Variants in KDM2B observed in about 807,000 individuals in gnomAD.
KDM2B encodes lysine-specific demethylase 2B.
KDM2B carries 26 observed loss-of-function variants against 150.0 expected under a neutral mutation model. The observed-to-expected ratio is 0.17, with a 90% confidence interval of 0.13 to 0.24. The LOEUF is 0.24. Ranked by LOEUF, KDM2B falls within the 10% of genes least tolerant of loss-of-function variation. The probability of loss-of-function intolerance (pLI) is 1.00; values close to 1 mark genes in which losing one functional copy is unlikely to be tolerated. For missense variants in KDM2B, 1,265 were observed against 1,816.9 expected, an observed-to-expected ratio of 0.70 and a Z score of 5.52; for synonymous variants, 734 against 729.5, an observed-to-expected ratio of 1.01 and a Z score of -0.10.
the KDM2B span, among the ~76,000 whole-genome samples, chr12:121,421,144 A>T: frequency 6.6e-6 from 1 of 152,024 alleles, no homozygotes; most frequent in Non-Finnish European, 1.5e-5. Context: ...TTTAAATCTA[A>T]CAGTAGGGGG....
At chr12:121,426,955 G>C (rs927342547), downstream of KDM2B, among the ~76,000 whole-genome samples, 1 of 152,156 alleles carries the variant, frequency 6.6e-6, no homozygotes, top group East Asian at 1.9e-4. Context: ...TTTTAAATAG[G>C]TCATGTCATA....
chr12:121,478,866 T>TTGTGTGTGTGTG (rs71874668), intron 12 of KDM2B, among the ~76,000 whole-genome samples: 1,501 of 131,156 alleles, frequency 0.011, 16 homozygotes, highest in Non-Finnish European at 0.017. Flanking sequence ...TTTTGTTTGT[T>TTGTGTGTGTGTG]TGTGTGTGTG....
intron 8 of KDM2B, among the ~76,000 whole-genome samples, chr12:121,530,227 CAAAAAAA>C (rs71453566): frequency 3.0e-4 from 20 of 65,786 alleles, no homozygotes; most frequent in African/African-American, 3.8e-4. Flanking sequence ...GACTCCCTCT[CAAAAAAA>C]AAAAAAAAAA....
At chr12:121,499,994 TC>T (rs1884366665) in intron 11 of KDM2B, among the ~76,000 whole-genome samples, 1 of 151,804 alleles carries the variant, frequency 6.6e-6, no homozygotes, top group South Asian at 2.1e-4. Context: ...AAAAGAATTT[TC>T]CCCAAGTGCC....
At chr12:121,557,211 A>G (rs2142197703) in intron 4 of KDM2B, among the ~76,000 whole-genome samples, 1 of 148,890 alleles carries the variant, frequency 6.7e-6, no homozygotes, top group Non-Finnish European at 1.5e-5. Context: ...GGATTAGGGT[A>G]GGCCTAATAA....
At chr12:121,431,148 T>G (rs1872930745) in intron 22 of KDM2B, among the ~76,000 whole-genome samples, 1 of 149,200 alleles carries the variant, frequency 6.7e-6, no homozygotes, top group South Asian at 2.1e-4. Context: ...TTTTTTTTTT[T>G]GAGACAGAGT....
chr12:121,494,489 T>C (rs782459381), intron 12 of KDM2B, 90 bp downstream of exon 12: 25 of 899,454 alleles, frequency 2.8e-5, no homozygotes, highest in Non-Finnish European at 4.1e-5. Context: ...GGAGGCCCCA[T>C]AGCTACCCAA....
chr12:121,557,615 C>G (rs568845078), intron 4 of KDM2B, among the ~76,000 whole-genome samples: 6 of 152,116 alleles, frequency 3.9e-5, no homozygotes, highest in Admixed American at 3.9e-4. Context: ...ATCAGAGTGA[C>G]GCAGCTACAA....
At chr12:121,501,905 G>A (rs1884598938) in intron 11 of KDM2B, among the ~76,000 whole-genome samples, 1 of 152,152 alleles carries the variant, frequency 6.6e-6, no homozygotes, top group East Asian at 1.9e-4. Context: ...ATAGGCGTGA[G>A]CCACCGTGCC....
chr12:121,549,689 A>T lies in KDM2B; in HGVS notation c.398-51T>A, dbSNP rs782626055. The T allele has an allele frequency of 2.0e-6, 3 of 1,485,780 alleles. No individual in the cohort carries two copies. The East Asian group carries it at 7.1e-5, about 35-fold the overall frequency. The allele number at this position is 1,485,780 out of a possible 1,614,324, so 92.0% of individuals were successfully genotyped here. ...TGTTCCTGCCGGCTTAAGGCTCCAG[A>T]TCCTACATGGGAGCCCCTCACTAAA... On this transcript the variant is annotated intron_variant, in intron 4 of 22. Transcript: ENST00000377071. This position sits in a 1 kb window ranked among gnomAD's most constrained non-coding sequence, Gnocchi z 4.4.
At chr12:121,509,398 C>G (rs1243556101) in intron 11 of KDM2B, among the ~76,000 whole-genome samples, 169 bp downstream of exon 11, 1 of 151,890 alleles carries the variant, frequency 6.6e-6, no homozygotes, top group Non-Finnish European at 1.5e-5. Flanking sequence ...CTTGGACACC[C>G]TACATAGGCT....
Position 121,442,466 on chromosome 12 carries a change from T to C in KDM2B, c.2975A>G (p.Glu992Gly). ...CCCCTTGCTGAAGCGGTGGGGACGC[T>C]CGCAGATGCCCGGGGGCCGCTTGGG... ...EEPKRPPGICERPHRFSKGLN... is the reference protein window; with the variant it reads ...EEPKRPPGICGRPHRFSKGLN... Residue 992 changes from glutamate to glycine, a missense_variant, in exon 19 of 23, where the codon GAG (glutamate) becomes GGG (glycine). This residue lies in a region of KDM2B where 418 missense variants were observed against 402.4 expected (regional missense o/e 1.04). Transcript: ENST00000377071. This position sits in a 1 kb window ranked among gnomAD's most constrained non-coding sequence, Gnocchi z 7.7. 1 of 1,599,652 alleles carries C rather than the reference T, an allele frequency of 6.3e-7. No homozygotes were observed. Among genetic ancestry groups the C allele is most frequent in the Non-Finnish European group, 8.5e-7 (1 of 1,179,730 alleles).
At chr12:121,560,073 T>C (rs1311119702) in intron 4 of KDM2B, among the ~76,000 whole-genome samples, 2 of 152,124 alleles carry the variant, frequency 1.3e-5, no homozygotes, top group Non-Finnish European at 2.9e-5. Flanking sequence ...GGTGCCATCA[T>C]GGTTCCCTGC....
rs782254055 is a variant in KDM2B, at chr12:121,580,867, TG to T, written c.44del (p.Pro15HisfsTer92). ...GCTTTTCTGCTGCATGTCTTTTTCG[TG>T]GGGGGTGATCCTCTGCAGATCCCCC... ...QMGGSAEDHPPRKRHAAEKQK... is the reference protein window; with the variant it reads ...QMGGSAEDHPXRKRHAAEKQK... On this transcript the variant is annotated frameshift_variant, in exon 1 of 23. Coordinates refer to ENST00000377071, the MANE Select transcript of KDM2B (RefSeq NM_032590.5). LOFTEE classifies it high-confidence loss of function. The T allele has an allele frequency of 1.9e-6, 3 of 1,614,080 alleles. No individual in the cohort carries two copies. Among genetic ancestry groups the T allele is most frequent in the South Asian group, 1.1e-5 (1 of 91,060 alleles).
chr12:121,549,657 C>T lies in KDM2B; in HGVS notation c.398-19G>A, dbSNP rs1421186848. The stretch of plus-strand genomic sequence containing the variant: ...CGGCTCCCTGGAGGCAGAAGCCACA[C>T]ACTGGTTGTTCCTGCCGGCTTAAGG... On this transcript the variant is annotated intron_variant, in intron 4 of 22. Transcript: ENST00000377071. The surrounding 1 kb of genome is among the most constrained non-coding windows in gnomAD (Gnocchi z 4.4). 3 of 1,552,904 alleles carry T rather than the reference C, an allele frequency of 1.9e-6. No individual in the cohort carries two copies. Among genetic ancestry groups the T allele is most frequent in the Non-Finnish European group, 1.8e-6 (2 of 1,141,896 alleles).
Position 121,449,875 on chromosome 12 carries a change from G to C in KDM2B, c.1959+3245C>G, listed in dbSNP as rs116620093. Among the ~76,000 whole-genome samples, 433 of 152,272 alleles carry C rather than the reference G, an allele frequency of 2.8e-3. 3 individuals carry two copies. The highest frequency in any genetic ancestry group is 0.01 in the African/African-American group (427 of 41,558). ...GTACCAATTAAAAGCACAAGCAGTGGAACTGAACTTCTGCAGCAAAAGAAA... is the reference window on the plus strand; with the variant it reads ...GTACCAATTAAAAGCACAAGCAGTGCAACTGAACTTCTGCAGCAAAAGAAA... On this transcript the variant is annotated intron_variant, in intron 13 of 22. Transcript: ENST00000377071.
the KDM2B span, chr12:121,417,919 G>T: frequency 6.2e-7 from 1 of 1,610,752 alleles, no homozygotes; most frequent in South Asian, 1.1e-5. This position sits in a 1 kb window ranked among gnomAD's most constrained non-coding sequence, Gnocchi z 5.0. Flanking sequence ...CAGGTACGAG[G>T]GGGTAACTAA....
At chr12:121,466,746 G>A (rs1474483215) in intron 12 of KDM2B, among the ~76,000 whole-genome samples, 1 of 148,820 alleles carries the variant, frequency 6.7e-6, no homozygotes, top group Non-Finnish European at 1.5e-5. Context: ...GCCGGCGCCC[G>A]CGGGGTCCGG....
At chr12:121,463,211 A>C (rs782005958) in intron 12 of KDM2B, among the ~76,000 whole-genome samples, 4 of 152,146 alleles carry the variant, frequency 2.6e-5, no homozygotes, top group Non-Finnish European at 5.9e-5. Context: ...GCCACTCAGG[A>C]GGCTGAGGCA....
Sources: gnomAD v4.1 joint callset for allele counts (sites outside exome capture counted in the v4.1 genomes callset) on GRCh38, gnomAD v4.1.1 for gene constraint, gnomAD v4.1.1 regional missense constraint, Gnocchi (gnomAD v3.1) non-coding constraint, MANE v1.5 for transcripts, NCBI Gene and HGNC (gene_info 2026-07-23, HGNC 2026-07-21) for gene names.